SVOP: variants seen among roughly 807,000 people sequenced by gnomAD.
SVOP encodes the protein synaptic vesicle 2-related protein.
SVOP carries 17 observed loss-of-function variants against 69.1 expected under a neutral mutation model. The observed-to-expected ratio is 0.25, with a 90% CI of 0.17 to 0.37. The LOEUF (loss-of-function observed/expected upper bound fraction) is 0.37. SVOP is among the 10% of genes least tolerant of loss of function. The probability of loss-of-function intolerance (pLI) is 1.00; values close to 1 mark genes in which losing one functional copy is unlikely to be tolerated. For missense variants in SVOP, 435 were observed against 597.5 expected, an observed-to-expected ratio of 0.73 and a Z score of 2.84; for synonymous variants, 238 against 238.6, an observed-to-expected ratio of 1.00 and a Z score of 0.02.
intron 1 of SVOP, among the ~76,000 whole-genome samples, chr12:109,019,399 G>T (rs983238610): frequency 2.0e-5 from 3 of 152,064 alleles, no homozygotes; most frequent in African/African-American, 7.2e-5. Context: ...TCTTTGAAAA[G>T]TTCACATCCT....
rs1271576217 is a variant in SVOP, at chr12:108,940,774, G to A, written c.768+10C>T. 1.3e-6 allele frequency: 2 copies of A among 1,536,854 alleles called. No homozygotes were observed. Among genetic ancestry groups the A allele is most frequent in the Admixed American group, 3.9e-5 (2 of 50,972 alleles). On this transcript the variant is annotated intron_variant, in intron 8 of 15. Coordinates refer to ENST00000610966, the MANE Select transcript of SVOP (RefSeq NM_018711.5). ...ACAGCAAAAGGTGAAATCTCTTAAA[G>A]GATACCTACGAAACACAGCACGGCA...
intron 14 of SVOP, among the ~76,000 whole-genome samples, chr12:108,916,570 C>T (rs1305709259): frequency 6.6e-6 from 1 of 152,156 alleles, no homozygotes; most frequent in Non-Finnish European, 1.5e-5. Context: ...CCTCCCCATG[C>T]CACCTTATGA....
At chr12:108,992,091 A>G (rs2040205497) in intron 1 of SVOP, among the ~76,000 whole-genome samples, 1 of 152,192 alleles carries the variant, frequency 6.6e-6, no homozygotes, top group Admixed American at 6.5e-5. Flanking sequence ...ATTGATTTGT[A>G]GTATTTACCA....
chr12:108,922,882 G>T, intron 11 of SVOP, 85 bp from the exon 12 acceptor site: 3 of 933,866 alleles, frequency 3.2e-6, no homozygotes, highest in East Asian at 2.6e-5. Flanking sequence ...TCCTTCCCTG[G>T]GGTGATTCAG....
chr12:108,949,960 C>A (rs941586987), intron 6 of SVOP, among the ~76,000 whole-genome samples: 1 of 152,180 alleles, frequency 6.6e-6, no homozygotes, highest in Non-Finnish European at 1.5e-5. Flanking sequence ...GGAGGACCTG[C>A]GGCTGAGTCT....
intron 1 of SVOP, among the ~76,000 whole-genome samples, chr12:108,999,960 A>G (rs2040258374): frequency 6.6e-6 from 1 of 151,374 alleles, no homozygotes. Context: ...AATAACTAAA[A>G]TCAGAGCAGA....
At chr12:108,939,762 C>T (rs2039880634) in intron 8 of SVOP, among the ~76,000 whole-genome samples, 2 of 152,208 alleles carry the variant, frequency 1.3e-5, no homozygotes, top group Admixed American at 6.5e-5. Flanking sequence ...ACAGGGACTA[C>T]ATTTCCCAGC....
At position 109,020,937 on chromosome 12, in the gene SVOP, G is replaced by T. The variant is rs368639033; in HGVS notation, c.-69C>A. The T allele has an allele frequency of 1.4e-6, 1 of 699,774 alleles. No homozygotes were observed. Among genetic ancestry groups the T allele is most frequent in the African/African-American group, 1.8e-5 (1 of 56,224 alleles). 43.3% of individuals were successfully genotyped at this position (699,774 alleles called of 1,614,324 possible). ...GGTAGTGGTGGATGACGAGCCCTCC[G>T]GTTTTCAGCACCGGGAAGCTGGACA... On this transcript the variant is annotated 5_prime_UTR_variant, in exon 1 of 16. Transcript: ENST00000610966.
chr12:108,950,247 T>C (rs938143853), intron 6 of SVOP, among the ~76,000 whole-genome samples: 15 of 140,958 alleles, frequency 1.1e-4, no homozygotes, highest in African/African-American at 3.8e-4. Flanking sequence ...TTTTCTTTCT[T>C]TTTTTTTTTT....
chr12:108,939,386 A>G (rs2039876400), intron 8 of SVOP, among the ~76,000 whole-genome samples: 1 of 152,212 alleles, frequency 6.6e-6, no homozygotes, highest in Non-Finnish European at 1.5e-5. Flanking sequence ...CCATTGTTCA[A>G]GGAATTACAC....
chr12:108,935,382 C>T (rs2039850254), intron 10 of SVOP, among the ~76,000 whole-genome samples: 1 of 152,198 alleles, frequency 6.6e-6, no homozygotes. Context: ...AATGTAGTGG[C>T]TTTCATAATG....
chr12:108,992,774 G>A (rs1300817714), intron 1 of SVOP, among the ~76,000 whole-genome samples: 1 of 152,142 alleles, frequency 6.6e-6, no homozygotes, highest in Non-Finnish European at 1.5e-5. Flanking sequence ...TAATGGGTGT[G>A]GGGTCTCCTT....
intron 1 of SVOP, among the ~76,000 whole-genome samples, chr12:109,008,302 G>C (rs1163141953): frequency 6.6e-6 from 1 of 152,180 alleles, no homozygotes; most frequent in Non-Finnish European, 1.5e-5. Flanking sequence ...CCAAGAACCT[G>C]AATTTTAATA....
intron 11 of SVOP, among the ~76,000 whole-genome samples, chr12:108,931,839 A>C (rs1161543059): frequency 6.6e-6 from 1 of 151,874 alleles, no homozygotes; most frequent in African/African-American, 2.4e-5. Flanking sequence ...TCTCAAAAAA[A>C]AAAAAAAAAA....
At chr12:108,921,340 G>A (rs1288629509) in intron 12 of SVOP, among the ~76,000 whole-genome samples, 1 of 152,138 alleles carries the variant, frequency 6.6e-6, no homozygotes, top group Non-Finnish European at 1.5e-5. Flanking sequence ...GCCTGCTGTG[G>A]GGTACTCAGT....
Position 108,915,888 on chromosome 12 carries a change from C to T in SVOP, c.1351-16G>A, listed in dbSNP as rs1207647472. 1.3e-5 allele frequency: 20 copies of T among 1,582,214 alleles called. No individual in the cohort carries two copies. In the African/African-American group the frequency reaches 1.9e-4, roughly 15 times the overall value. On this transcript the variant is annotated splice_polypyrimidine_tract_variant and intron_variant, in intron 14 of 15. Coordinates refer to ENST00000610966, the MANE Select transcript of SVOP (RefSeq NM_018711.5). ...TGGGGTAGACCTGAAACACAGCAGC[C>T]GGATATAGGCATGGGGACATGCAGG...
chr12:108,938,958 G>A lies in SVOP; in HGVS notation c.769-3C>T. The A allele has an allele frequency of 6.2e-7, 1 of 1,613,944 alleles. No homozygotes were observed. The highest frequency in any genetic ancestry group is 1.3e-5 in the African/African-American group (1 of 75,054). The stretch of plus-strand genomic sequence containing the variant: ...TACCTTGCACTTTCAGGCAGCCACT[G>A]GGATGGGGGAGACAGGAAACCCAGG... On this transcript the variant is annotated splice_polypyrimidine_tract_variant and splice_region_variant and intron_variant, in intron 8 of 15. Transcript: ENST00000610966.
At chr12:108,913,366 T>G (rs952552178) in intron 15 of SVOP, among the ~76,000 whole-genome samples, 1 of 152,092 alleles carries the variant, frequency 6.6e-6, no homozygotes, top group Non-Finnish European at 1.5e-5. Context: ...CAGCCAGGTA[T>G]TCCTTGAAAT....
At chr12:108,986,129 C>A (rs914050737) in intron 1 of SVOP, among the ~76,000 whole-genome samples, 3 of 152,202 alleles carry the variant, frequency 2.0e-5, no homozygotes, top group Admixed American at 6.5e-5. Context: ...ACCACAGTCA[C>A]CTCTAATAGA....
Sources: gnomAD v4.1 joint callset for allele counts (sites outside exome capture counted in the v4.1 genomes callset) on GRCh38, gnomAD v4.1.1 for gene constraint, MANE v1.5 for transcripts, NCBI Gene and HGNC (gene_info 2026-07-23, HGNC 2026-07-21) for gene names.